Variants in FAIM observed in about 807,000 individuals in gnomAD.
FAIM encodes the protein Fas apoptotic inhibitory molecule.
Under a neutral mutation model 21.2 loss-of-function variants are expected in FAIM, and 14 were observed. The observed-to-expected ratio is 0.66, with a 90% CI of 0.44 to 1.03. The LOEUF (loss-of-function observed/expected upper bound fraction) is 1.03. FAIM is among the 50% of genes least tolerant of loss of function. The pLI is 0.00. For synonymous variants in FAIM, 86 were observed against 80.4 expected (o/e 1.07, Z -0.37); for missense variants, 222 against 247.1 (o/e 0.90, Z 0.68).
At chr3:138,617,821 T>TA in intron 1 of FAIM, among the ~76,000 whole-genome samples, 1 of 146,434 alleles carries the variant, frequency 6.8e-6, no homozygotes, top group Non-Finnish European at 1.5e-5. Context: ...TAGATACTAT[T>TA]TATATATAGT....
chr3:138,618,683 A>G (rs2042853608), intron 1 of FAIM, among the ~76,000 whole-genome samples: 1 of 152,118 alleles, frequency 6.6e-6, no homozygotes, highest in Non-Finnish European at 1.5e-5. Context: ...CAAACAAAAA[A>G]CTTTTTAATA....
chr3:138,628,469 A>T (rs1438362081), intron 4 of FAIM, among the ~76,000 whole-genome samples: 2 of 149,264 alleles, frequency 1.3e-5, no homozygotes, highest in African/African-American at 2.5e-5. Context: ...CTTCTTTTTT[A>T]TTTATTTATT....
At chr3:138,613,316 G>A (rs1182085282) in intron 1 of FAIM, among the ~76,000 whole-genome samples, 1 of 151,570 alleles carries the variant, frequency 6.6e-6, no homozygotes, top group African/African-American at 2.4e-5. Context: ...CACTGCGCCC[G>A]GCCCCTTTCC....
intron 1 of FAIM, among the ~76,000 whole-genome samples, chr3:138,616,374 T>TG (rs2042825158): frequency 6.6e-6 from 1 of 152,150 alleles, no homozygotes; most frequent in Non-Finnish European, 1.5e-5. Context: ...TTTCGTTTGT[T>TG]TTGTTGTTGT....
intron 5 of FAIM, chr3:138,630,385 G>A (rs1005323580): frequency 2.0e-5 from 3 of 152,192 alleles, no homozygotes; most frequent in Non-Finnish European, 2.9e-5. Flanking sequence ...TTGGGAGGCT[G>A]ACGTGAGAGG....
chr3:138,633,115 T>G lies in FAIM; in HGVS notation c.*36T>G. 1 of 1,588,920 alleles carries G rather than the reference T, an allele frequency of 6.3e-7. No individual in the cohort carries two copies. Among genetic ancestry groups the G allele is most frequent in the Non-Finnish European group, 8.6e-7 (1 of 1,161,568 alleles). On this transcript the variant is annotated 3_prime_UTR_variant, in exon 6 of 6. Transcript: ENST00000360570. ...TCTTAAGAAGTAAAGATCAGGACTT[T>G]TTAATTACTGTGGTAATTAAATGTG...
rs2043025231 is a variant in FAIM, at chr3:138,633,173, C to T, written c.*94C>T. Reference sequence around the variant, plus strand: ...TGTACTTATCAGTACATTTAGTCTGCAATGTTTTAATTTTTTAAAAAGTTA... The same window carrying T: ...TGTACTTATCAGTACATTTAGTCTGTAATGTTTTAATTTTTTAAAAAGTTA... On this transcript the variant is annotated 3_prime_UTR_variant, in exon 6 of 6. Transcript: ENST00000360570. 9.1e-7 allele frequency: 1 copy of T among 1,097,376 alleles called. No individual in the cohort carries two copies. Among genetic ancestry groups the T allele is most frequent in the Non-Finnish European group, 1.2e-6 (1 of 821,074 alleles). 68.0% of individuals were successfully genotyped at this position (1,097,376 alleles called of 1,614,324 possible). A position where few individuals can be genotyped will look rare whatever the true frequency, so the allele number is the denominator to read the frequency against.
At chr3:138,628,210 A>G (rs765073374) in intron 4 of FAIM, among the ~76,000 whole-genome samples, 3 of 152,166 alleles carry the variant, frequency 2.0e-5, no homozygotes, top group Non-Finnish European at 2.9e-5. Context: ...TTGTAATCCA[A>G]TAATTTTTCT....
intron 4 of FAIM, among the ~76,000 whole-genome samples, chr3:138,628,770 A>G (rs901076336): frequency 6.6e-6 from 1 of 152,122 alleles, no homozygotes; most frequent in Non-Finnish European, 1.5e-5. Context: ...GGCGTGAGCC[A>G]CCGCGCCCGG....
chr3:138,619,206 G>A (rs950975551), intron 1 of FAIM, among the ~76,000 whole-genome samples: 2 of 152,212 alleles, frequency 1.3e-5, no homozygotes, highest in African/African-American at 4.8e-5. Flanking sequence ...TGAAAGTTAT[G>A]TTCCACCATA....
chr3:138,622,059 C>A (rs2042893040), intron 3 of FAIM, 129 bp from the exon 4 acceptor site: 2 of 772,450 alleles, frequency 2.6e-6, no homozygotes, highest in Admixed American at 3.0e-5. Context: ...GGATTACAGG[C>A]ATGAGCCACC....
In FAIM at chr3:138,625,279, A is replaced by T. The variant is rs373726823; in HGVS notation, c.406+2863A>T. On this transcript the variant is annotated intron_variant, in intron 4 of 5. Coordinates refer to ENST00000360570, the MANE Select transcript of FAIM (RefSeq NM_001033031.2). ...GGAGTTCGAGACCAGCCTGACCAAC[A>T]TGGTGAAACCCCATCTCTACTAAAA... 1.0e-3 allele frequency among the ~76,000 whole-genome samples: 153 copies of T among 152,208 alleles called. 2 individuals are homozygous for T. In the South Asian group the frequency reaches 0.012, roughly 12 times the overall value.
At chr3:138,619,690 T>C (rs778005257) in intron 1 of FAIM, 21 bp from the exon 2 acceptor site, 8 of 1,609,594 alleles carry the variant, frequency 5.0e-6, no homozygotes, top group Non-Finnish European at 6.8e-6. Context: ...TTTTCTTTCC[T>C]GGCTGCTAAT....
At chr3:138,621,065 G>T (rs3773748) in intron 2 of FAIM, 20,841 of 173,288 alleles carry the variant, frequency 0.12, 2,810 homozygotes, top group East Asian at 0.36. Flanking sequence ...GGTGGGAGAA[G>T]AATAAAGACT....
intron 1 of FAIM, among the ~76,000 whole-genome samples, chr3:138,618,852 T>A (rs2108342885): frequency 6.6e-6 from 1 of 152,296 alleles, no homozygotes; most frequent in East Asian, 1.9e-4. Context: ...GAATTTAGGA[T>A]ACTTTGGCAG....
At chr3:138,617,540 C>G (rs1214126903) in intron 1 of FAIM, among the ~76,000 whole-genome samples, 2 of 146,322 alleles carry the variant, frequency 1.4e-5, no homozygotes, top group East Asian at 3.9e-4. Context: ...TCTCTATCTA[C>G]CTATCTACCT....
At chr3:138,628,730 G>A (rs1279196317) in intron 4 of FAIM, among the ~76,000 whole-genome samples, 6 of 152,056 alleles carry the variant, frequency 3.9e-5, no homozygotes, top group Non-Finnish European at 8.8e-5. Context: ...TGATCCGCCT[G>A]CCTCAGTCTC....
chr3:138,611,050 C>G, intron 1 of FAIM: 1 of 1,596,704 alleles, frequency 6.3e-7, no homozygotes, highest in Non-Finnish European at 8.6e-7. Flanking sequence ...TAGTGCCCTG[C>G]CCAGAGCCTG....
intron 2 of FAIM, chr3:138,621,171 CT>C: frequency 9.8e-5 from 46 of 468,610 alleles, no homozygotes; most frequent in East Asian, 2.0e-4. Context: ...ATTAAGGTGG[CT>C]TTTTTTTAGA....
Sources: allele counts gnomAD v4.1 joint callset (sites outside exome capture counted in the v4.1 genomes callset), GRCh38; gene constraint gnomAD v4.1.1; transcripts MANE v1.5; gene names NCBI Gene and HGNC (gene_info 2026-07-23, HGNC 2026-07-21).